KCTD8: variants seen among roughly 807,000 people sequenced by gnomAD.
KCTD8 encodes BTB/POZ domain-containing protein KCTD8.
KCTD8 carries 27 observed loss-of-function variants against 31.5 expected under a neutral mutation model. That is an observed-to-expected ratio of 0.86 (90% CI 0.63 to 1.18). The LOEUF is 1.18. Among genes scored for constraint, KCTD8 ranks in the 50% most tolerant of loss-of-function variants. The pLI is 0.00. For synonymous variants in KCTD8, 290 were observed against 280.0 expected (o/e 1.04, Z -0.36); for missense variants, 658 against 647.7 (o/e 1.02, Z -0.17).
intron 1 of KCTD8, among the ~76,000 whole-genome samples, chr4:44,438,136 T>G (rs550248747): frequency 6.6e-6 from 1 of 152,322 alleles, no homozygotes; most frequent in South Asian, 2.1e-4. Flanking sequence ...TATTTCTGAA[T>G]GTCTGCCAGC....
chr4:44,229,039 T>C (rs1310941652), intron 1 of KCTD8, among the ~76,000 whole-genome samples: 4 of 152,204 alleles, frequency 2.6e-5, no homozygotes, highest in Non-Finnish European at 5.9e-5. Context: ...TGAGGGCAAG[T>C]TGAATAAATG....
chr4:44,194,708 T>C (rs554183092), intron 1 of KCTD8, among the ~76,000 whole-genome samples: 6 of 151,548 alleles, frequency 4.0e-5, no homozygotes, highest in Non-Finnish European at 8.8e-5. Flanking sequence ...AAAATAATTA[T>C]GTGCTACTTG....
intron 1 of KCTD8, among the ~76,000 whole-genome samples, chr4:44,268,172 A>C (rs376579936): frequency 6.6e-6 from 1 of 152,100 alleles, no homozygotes; most frequent in Non-Finnish European, 1.5e-5. Context: ...GAATCCAGCA[A>C]CACATCAAAA....
chr4:44,394,654 C>T (rs935837580), intron 1 of KCTD8, among the ~76,000 whole-genome samples: 24 of 152,018 alleles, frequency 1.6e-4, no homozygotes, highest in African/African-American at 5.8e-4. Flanking sequence ...ATTTGACCCA[C>T]ACAATTTTGC....
chr4:44,301,153 T>C (rs1717606998), intron 1 of KCTD8, among the ~76,000 whole-genome samples: 1 of 152,150 alleles, frequency 6.6e-6, no homozygotes, highest in South Asian at 2.1e-4. Flanking sequence ...TCTTTGCTAT[T>C]GTGAATAATG....
chr4:44,308,749 A>G (rs1717874077), intron 1 of KCTD8, among the ~76,000 whole-genome samples: 1 of 152,144 alleles, frequency 6.6e-6, no homozygotes, highest in Non-Finnish European at 1.5e-5. Flanking sequence ...AAATAAAGTA[A>G]TATACTAATC....
intron 1 of KCTD8, among the ~76,000 whole-genome samples, chr4:44,316,133 T>C (rs1718101649): frequency 6.6e-6 from 1 of 152,110 alleles, no homozygotes; most frequent in African/African-American, 2.4e-5. Context: ...CCAAATTCTG[T>C]CAAATTTCCT....
intron 1 of KCTD8, among the ~76,000 whole-genome samples, chr4:44,282,479 C>T (rs1257710553): frequency 6.6e-6 from 1 of 152,046 alleles, no homozygotes; most frequent in Non-Finnish European, 1.5e-5. Flanking sequence ...ATTAATAAAC[C>T]TACAATGTCC....
chr4:44,175,589 G>A (rs1039428174), intron 1 of KCTD8, among the ~76,000 whole-genome samples: 4 of 152,102 alleles, frequency 2.6e-5, no homozygotes, highest in African/African-American at 9.7e-5. Context: ...AAAAAAAAAT[G>A]TAATGTTTTG....
chr4:44,391,665 A>G (rs1423868408), intron 1 of KCTD8, among the ~76,000 whole-genome samples: 1 of 151,864 alleles, frequency 6.6e-6, no homozygotes, highest in Non-Finnish European at 1.5e-5. Context: ...TAAGACTTCC[A>G]GTTAACAGTG....
At chr4:44,374,104 T>C (rs946998744) in intron 1 of KCTD8, among the ~76,000 whole-genome samples, 1 of 152,196 alleles carries the variant, frequency 6.6e-6, no homozygotes, top group Admixed American at 6.5e-5. Context: ...CAATGGCCAA[T>C]ATTCTTTAAA....
chr4:44,410,857 G>A (rs1720936029), intron 1 of KCTD8, among the ~76,000 whole-genome samples: 1 of 152,132 alleles, frequency 6.6e-6, no homozygotes, highest in South Asian at 2.1e-4. Context: ...AGATTTGGGT[G>A]GGGACACAGC....
intron 1 of KCTD8, among the ~76,000 whole-genome samples, chr4:44,370,726 G>T (rs1441356623): frequency 6.6e-6 from 1 of 151,998 alleles, no homozygotes; most frequent in East Asian, 1.9e-4. Flanking sequence ...AATCCCACAG[G>T]CCATAATTGA....
intron 1 of KCTD8, among the ~76,000 whole-genome samples, chr4:44,409,232 A>T (rs1246848818): frequency 6.6e-6 from 1 of 151,988 alleles, no homozygotes; most frequent in African/African-American, 2.4e-5. Flanking sequence ...AAGTCAAAAA[A>T]AAAAGAGGAA....
chr4:44,374,351 T>G (rs1171095530), intron 1 of KCTD8, among the ~76,000 whole-genome samples: 1 of 152,108 alleles, frequency 6.6e-6, no homozygotes, highest in Non-Finnish European at 1.5e-5. Flanking sequence ...TCAGAGTTAG[T>G]GTCTTACTCT....
At chr4:44,180,370 A>T (rs1024994913) in intron 1 of KCTD8, among the ~76,000 whole-genome samples, 3 of 152,204 alleles carry the variant, frequency 2.0e-5, no homozygotes, top group African/African-American at 7.2e-5. Flanking sequence ...TAGTTAGATA[A>T]ATAGGTACAC....
chr4:44,263,311 T>C (rs7697555), intron 1 of KCTD8, among the ~76,000 whole-genome samples: 4,754 of 152,194 alleles, frequency 0.031, 265 homozygotes, highest in African/African-American at 0.11. Flanking sequence ...ACACAAACCA[T>C]GATCATATCT....
At chr4:44,377,320 C>T (rs891274570) in intron 1 of KCTD8, among the ~76,000 whole-genome samples, 5 of 152,164 alleles carry the variant, frequency 3.3e-5, no homozygotes, top group African/African-American at 1.2e-4. Flanking sequence ...AAACTAAGCT[C>T]CATTCTCATT....
At chr4:44,209,215 T>C (rs1396820217) in intron 1 of KCTD8, among the ~76,000 whole-genome samples, 7 of 152,238 alleles carry the variant, frequency 4.6e-5, no homozygotes, top group East Asian at 1.9e-4. Flanking sequence ...GAATGGCTTC[T>C]CTTGCAATGT....
Sources: gnomAD v4.1 joint callset for allele counts (sites outside exome capture counted in the v4.1 genomes callset) on GRCh38, gnomAD v4.1.1 for gene constraint, MANE v1.5 for transcripts, NCBI Gene and HGNC (gene_info 2026-07-23, HGNC 2026-07-21) for gene names.